CYYR1: variants seen among roughly 807,000 people sequenced by gnomAD.
The protein encoded by CYYR1 is cysteine and tyrosine-rich protein 1.
A neutral mutation model predicts 15.2 loss-of-function variants in CYYR1; 14 were observed. That is an observed-to-expected ratio of 0.92 (90% CI 0.61 to 1.44). The LOEUF is 1.44. Among genes scored for constraint, CYYR1 ranks in the 40% most tolerant of loss-of-function variants. The probability of loss-of-function intolerance (pLI) is 0.00; values close to 1 mark genes in which losing one functional copy is unlikely to be tolerated. For missense variants in CYYR1, 228 were observed against 209.5 expected, an observed-to-expected ratio of 1.09 and a Z score of -0.54; for synonymous variants, 80 against 77.4, an observed-to-expected ratio of 1.03 and a Z score of -0.18.
At chr21:26,569,744 T>C (rs1432155755) in intron 1 of CYYR1, among the ~76,000 whole-genome samples, 1 of 152,238 alleles carries the variant, frequency 6.6e-6, no homozygotes, top group East Asian at 1.9e-4. Flanking sequence ...TGACATCTTA[T>C]TAAACTCGCC....
At chr21:26,564,800 C>T (rs1441949948) in intron 2 of CYYR1, 15 of 1,245,874 alleles carry the variant, frequency 1.2e-5, no homozygotes, top group African/African-American at 3.1e-5. Flanking sequence ...AAGTTATACT[C>T]GCACCTCTAC....
intron 2 of CYYR1, among the ~76,000 whole-genome samples, chr21:26,514,991 C>T (rs761420145): frequency 1.6e-4 from 24 of 152,160 alleles, no homozygotes; most frequent in South Asian, 1.0e-3. Flanking sequence ...ATGCTTTTCA[C>T]GATTCAATGT....
intron 2 of CYYR1, among the ~76,000 whole-genome samples, chr21:26,536,994 T>C (rs976552484): frequency 1.3e-5 from 2 of 152,148 alleles, no homozygotes; most frequent in African/African-American, 4.8e-5. Context: ...TTGTAAATAC[T>C]GGTATGTTCT....
intron 2 of CYYR1, chr21:26,551,775 G>C: frequency 3.9e-6 from 1 of 256,538 alleles, no homozygotes; most frequent in Admixed American, 4.2e-5. Context: ...GAACACTGTG[G>C]AAATGACAAC....
At chr21:26,542,171 T>C (rs2123650485) in intron 2 of CYYR1, among the ~76,000 whole-genome samples, 2 of 142,972 alleles carry the variant, frequency 1.4e-5, no homozygotes, top group East Asian at 4.1e-4. Context: ...ATACAGAAAC[T>C]CCCTTAAGGG....
rs757223616 is a variant in CYYR1 at position 26,466,448 on chromosome 21, C to T, written c.*2053G>A. Reference sequence around the variant, plus strand: ...AGTAAAAATACTCATCTATTGTAGGCTTATGGGTTTGTAAAATGCCTTAAG... The same window carrying T: ...AGTAAAAATACTCATCTATTGTAGGTTTATGGGTTTGTAAAATGCCTTAAG... On this transcript the variant is annotated 3_prime_UTR_variant, in exon 4 of 4. Transcript: ENST00000652641. 1.3e-5 allele frequency: 2 copies of T among 152,082 alleles called. No homozygotes were observed. The highest frequency in any genetic ancestry group is 2.9e-5 in the Non-Finnish European group (2 of 68,014). 9.4% of individuals were successfully genotyped at this position (152,082 alleles called of 1,614,324 possible). A position where few individuals can be genotyped will look rare whatever the true frequency, so the allele number is the denominator to read the frequency against.
At position 26,471,986 on chromosome 21, in the gene CYYR1, TGTG is replaced by T. The variant is rs920084233; in HGVS notation, c.335-3355_335-3353del. The stretch of plus-strand genomic sequence containing the variant: ...CTCAGGCCAATATTTCTAAAGCTAA[TGTG>T]GTGGGAAGATGCGTGGTGTTACCCA... On this transcript the variant is annotated intron_variant, in intron 3 of 3. Coordinates refer to ENST00000652641, the MANE Select transcript of CYYR1 (RefSeq NM_001320768.2). Among the ~76,000 whole-genome samples the T allele has an allele frequency of 4.6e-5, 7 of 152,330 alleles. No individual in the cohort carries two copies. The East Asian group carries it at 9.6e-4, about 21-fold the overall frequency.
chr21:26,550,817 G>A (rs535864746), intron 2 of CYYR1: 1 of 152,334 alleles, frequency 6.6e-6, no homozygotes, highest in East Asian at 1.9e-4. Flanking sequence ...TGATGTAGAA[G>A]CTGTGGCAAG....
chr21:26,475,316 C>T (rs997756628), intron 3 of CYYR1, among the ~76,000 whole-genome samples: 1 of 152,080 alleles, frequency 6.6e-6, no homozygotes, highest in Admixed American at 6.6e-5. Context: ...CATCCTTTGA[C>T]CACCAAGTCT....
chr21:26,539,751 A>G (rs1053584222), intron 2 of CYYR1, among the ~76,000 whole-genome samples: 1 of 152,112 alleles, frequency 6.6e-6, no homozygotes, highest in African/African-American at 2.4e-5. Flanking sequence ...TTTGTCTGGT[A>G]TCTTCTTTTT....
chr21:26,555,134 C>T (rs1468383814), intron 2 of CYYR1, among the ~76,000 whole-genome samples: 1 of 152,128 alleles, frequency 6.6e-6, no homozygotes, highest in Non-Finnish European at 1.5e-5. Context: ...TATCACAAAA[C>T]TACTGTTAAT....
At chr21:26,549,494 T>C (rs1979225150) in intron 2 of CYYR1, among the ~76,000 whole-genome samples, 1 of 152,200 alleles carries the variant, frequency 6.6e-6, no homozygotes, top group African/African-American at 2.4e-5. Flanking sequence ...ATTATTTTAG[T>C]CATTTTCATC....
intron 2 of CYYR1, among the ~76,000 whole-genome samples, chr21:26,504,884 C>G (rs61075193): frequency 0.01 from 1,529 of 152,202 alleles, 27 homozygotes; most frequent in African/African-American, 0.035. Context: ...ATTTTTAGAT[C>G]CCACAAAAAG....
At chr21:26,564,443 TCC>T (rs1980465035) in intron 2 of CYYR1, among the ~76,000 whole-genome samples, 1 of 152,060 alleles carries the variant, frequency 6.6e-6, no homozygotes, top group South Asian at 2.1e-4. Flanking sequence ...CACGATTTTT[TCC>T]CCCAAACATA....
At chr21:26,472,700 C>G (rs1256480295) in intron 3 of CYYR1, among the ~76,000 whole-genome samples, 1 of 151,968 alleles carries the variant, frequency 6.6e-6, no homozygotes, top group African/African-American at 2.4e-5. Flanking sequence ...AATTATATAT[C>G]TTTTAATAAA....
intron 2 of CYYR1, among the ~76,000 whole-genome samples, chr21:26,488,712 G>A (rs2065286301): frequency 6.6e-6 from 1 of 152,042 alleles, no homozygotes; most frequent in Non-Finnish European, 1.5e-5. Flanking sequence ...CCCATTTTCT[G>A]TCTTACCTTC....
chr21:26,491,244 C>T (rs999730441), intron 2 of CYYR1, among the ~76,000 whole-genome samples: 7 of 152,132 alleles, frequency 4.6e-5, no homozygotes, highest in South Asian at 2.1e-4. Flanking sequence ...TTTGAAGTAA[C>T]CTTTGCTGAA....
intron 2 of CYYR1, among the ~76,000 whole-genome samples, chr21:26,495,759 T>G (rs1218265292): frequency 6.6e-6 from 1 of 152,240 alleles, no homozygotes; most frequent in East Asian, 1.9e-4. Flanking sequence ...AGGGTTTATT[T>G]GTTTCAGCAG....
rs2064988881 is a variant in CYYR1, at chr21:26,467,961, C to T, written c.*540G>A. ...AATCTAGTCATTGCTCTTTCTTGTA[C>T]TAAAACCAGAGTACCCGTCCTGTAA... On this transcript the variant is annotated 3_prime_UTR_variant, in exon 4 of 4. Coordinates refer to ENST00000652641, the MANE Select transcript of CYYR1 (RefSeq NM_001320768.2). 6.2e-6 allele frequency: 1 copy of T among 162,228 alleles called. No individual in the cohort carries two copies. Among genetic ancestry groups the T allele is most frequent in the Admixed American group, 5.6e-5 (1 of 17,750 alleles). The allele number at this position is 162,228 out of a possible 1,614,324, so 10.0% of individuals were successfully genotyped here. A position where few individuals can be genotyped will look rare whatever the true frequency, so the allele number is the denominator to read the frequency against.
Sources: allele counts gnomAD v4.1 joint callset (sites outside exome capture counted in the v4.1 genomes callset), GRCh38; gene constraint gnomAD v4.1.1; transcripts MANE v1.5; gene names NCBI Gene and HGNC (gene_info 2026-07-23, HGNC 2026-07-21).